Variants in ZNF569 observed in about 807,000 individuals in gnomAD.
The protein encoded by ZNF569 is zinc finger protein 569.
Under a neutral mutation model 56.3 loss-of-function variants are expected in ZNF569, and 38 were observed. The observed-to-expected ratio is 0.68, with a 90% CI of 0.52 to 0.88. ZNF569 has a LOEUF of 0.88. ZNF569 is among the 40% of genes least tolerant of loss of function. ZNF569 has a pLI of 0.00. For synonymous variants in ZNF569, 241 were observed against 262.9 expected (o/e 0.92, Z 0.81); for missense variants, 666 against 809.2 (o/e 0.82, Z 2.15).
chr19:37,450,540 AT>A (rs1321552525), intron 2 of ZNF569, among the ~76,000 whole-genome samples: 1 of 151,618 alleles, frequency 6.6e-6, no homozygotes, highest in African/African-American at 2.4e-5. Flanking sequence ...AGTCTTCTCT[AT>A]TTTTTTCATA....
At position 37,413,361 on chromosome 19, in the gene ZNF569, T is replaced by C. The variant is rs776842065; in HGVS notation, c.1297A>G (p.Thr433Ala). ...KNFITHQKIHTREKPYECNEC... is the reference protein window; with the variant it reads ...KNFITHQKIHAREKPYECNEC... The stretch of plus-strand genomic sequence containing the variant: ...TTACACTCATAAGGTTTCTCTCTAG[T>C]ATGAATTTTCTGGTGTGTAATGAAG... The change falls in exon 6 of 6, where the codon ACT becomes GCT. Residue 433 changes from threonine to alanine, a missense_variant. Thr to Ala is a moderately conservative substitution (Grantham distance 58, BLOSUM62 0). Transcript: ENST00000316950. 1.2e-6 allele frequency: 2 copies of C among 1,608,690 alleles called. No homozygotes were observed. Among genetic ancestry groups the C allele is most frequent in the South Asian group, 2.2e-5 (2 of 90,060 alleles).
Position 37,413,308 on chromosome 19 carries a change from C to T in ZNF569, c.1350G>A (p.Met450Ile), listed in dbSNP as rs780644751. The T allele has an allele frequency of 9.9e-6, 16 of 1,608,150 alleles. 1 individual carries two copies. The South Asian group carries it at 1.0e-4, about 10-fold the overall frequency. ...CNECGKAFIQ[M>I]SNLVRHQRIH... ...TTCTCTGGTGTCTAACAAGATTTGA[C>T]ATCTGTATAAAAGCTTTCCCACATT... Residue 450 changes from methionine to isoleucine, a missense_variant, in exon 6 of 6, where the codon ATG (methionine) becomes ATA (isoleucine). Transcript: ENST00000316950.
upstream of ZNF569, among the ~76,000 whole-genome samples, chr19:37,468,315 C>T (rs926952637): frequency 3.9e-5 from 6 of 152,174 alleles, no homozygotes; most frequent in African/African-American, 1.4e-4. Context: ...TCTCGAACTC[C>T]TGAGCTCAAG....
At chr19:37,468,121 G>A, upstream of ZNF569, 1 of 614,102 alleles carries the variant, frequency 1.6e-6, no homozygotes. Flanking sequence ...GCCTCACTTT[G>A]TTGCCCAGGC....
At position 37,445,084 on chromosome 19, in the gene ZNF569, C is replaced by G. The variant is rs1269723717; in HGVS notation, c.-43-120G>C. ...TGATAATTAAATCTATCAGAAATGC[C>G]AAGAATATTCATACCACAAAGGTTC... is the stretch of plus-strand genomic sequence containing the variant. On this transcript the variant is annotated intron_variant, in intron 2 of 5. Coordinates refer to ENST00000316950, the MANE Select transcript of ZNF569 (RefSeq NM_152484.3). 3 of 716,980 alleles carry G rather than the reference C, an allele frequency of 4.2e-6. No homozygotes were observed. In the African/African-American group the frequency reaches 5.5e-5, roughly 13 times the overall value. 44.4% of individuals were successfully genotyped at this position (716,980 alleles called of 1,614,324 possible).
chr19:37,456,473 C>T (rs933728202), intron 2 of ZNF569, among the ~76,000 whole-genome samples: 2 of 151,934 alleles, frequency 1.3e-5, no homozygotes, highest in Non-Finnish European at 2.9e-5. Context: ...TCTTAGGGCC[C>T]GTATGTTTGA....
chr19:37,420,375 G>A (rs1231298065), intron 5 of ZNF569, among the ~76,000 whole-genome samples: 1 of 152,096 alleles, frequency 6.6e-6, no homozygotes, highest in Admixed American at 6.5e-5. Context: ...TTGTTTGATA[G>A]TACTTTACCC....
upstream of ZNF569, chr19:37,469,231 C>T (rs1331263964): frequency 4.4e-6 from 6 of 1,360,142 alleles, no homozygotes; most frequent in Non-Finnish European, 5.7e-6. Context: ...CGCGGAGCTG[C>T]ACCGCTGCTG....
intron 5 of ZNF569, among the ~76,000 whole-genome samples, chr19:37,423,082 TAC>T (rs2146880420): frequency 6.6e-6 from 1 of 152,334 alleles, no homozygotes; most frequent in African/African-American, 2.4e-5. Flanking sequence ...TTTTTACAGA[TAC>T]AGAGGAAATT....
chr19:37,468,228 A>G (rs1158037259), upstream of ZNF569, among the ~76,000 whole-genome samples: 4 of 151,608 alleles, frequency 2.6e-5, no homozygotes, highest in Admixed American at 6.6e-5. Context: ...TGGGACCACA[A>G]TCAAGGGACA....
intron 2 of ZNF569, among the ~76,000 whole-genome samples, chr19:37,453,256 A>C (rs1405474892): frequency 6.6e-6 from 1 of 152,174 alleles, no homozygotes; most frequent in African/African-American, 2.4e-5. Context: ...GCAACAGGGT[A>C]TCCTGAATCT....
chr19:37,456,502 T>G (rs1361075533), intron 2 of ZNF569, among the ~76,000 whole-genome samples: 1 of 152,180 alleles, frequency 6.6e-6, no homozygotes, highest in Non-Finnish European at 1.5e-5. Flanking sequence ...CTCCCACTTA[T>G]GTTAGTTAAA....
chr19:37,450,365 A>T (rs1212440230), intron 2 of ZNF569, among the ~76,000 whole-genome samples: 3 of 152,094 alleles, frequency 2.0e-5, no homozygotes, highest in Non-Finnish European at 4.4e-5. Context: ...ATATTTCTTC[A>T]TGATCTAATC....
intron 5 of ZNF569, among the ~76,000 whole-genome samples, chr19:37,416,247 A>C (rs1287563814): frequency 1.3e-5 from 2 of 148,544 alleles, no homozygotes; most frequent in Non-Finnish European, 3.0e-5. Flanking sequence ...CAAAACAAAC[A>C]AACAAAAAAA....
Position 37,412,645 on chromosome 19 carries a change from G to A in ZNF569, c.2013C>T (p.Phe671=). 3 of 1,610,906 alleles carry A rather than the reference G, an allele frequency of 1.9e-6. No individual in the cohort carries two copies. The highest frequency in any genetic ancestry group is 2.5e-6 in the Non-Finnish European group (3 of 1,178,786). ...PYHCIECGKA[F]SQKSHLVRHQ... is the part of the protein sequence containing the mutation. ...GTCTAACAAGGTGCGACTTTTGGCTGAAAGCCTTGCCACACTCAATACAGT... is the reference window on the plus strand; with the variant it reads ...GTCTAACAAGGTGCGACTTTTGGCTAAAAGCCTTGCCACACTCAATACAGT... Residue 671 remains phenylalanine (F), a synonymous_variant, in exon 6 of 6, where the codon TTC becomes TTT. Coordinates refer to ENST00000316950, the MANE Select transcript of ZNF569 (RefSeq NM_152484.3).
chr19:37,451,325 G>A (rs1032081632), intron 2 of ZNF569, among the ~76,000 whole-genome samples: 15 of 151,450 alleles, frequency 9.9e-5, no homozygotes, highest in Non-Finnish European at 1.8e-4. Flanking sequence ...ACTTGAACCC[G>A]GGAGGCGGAG....
At chr19:37,468,010 G>C (rs1320390808), upstream of ZNF569, 9 of 1,389,878 alleles carry the variant, frequency 6.5e-6, no homozygotes, top group Non-Finnish European at 8.9e-6. Context: ...CTTCTAAACA[G>C]ACTTGGCCTT....
intron 2 of ZNF569, among the ~76,000 whole-genome samples, chr19:37,446,613 C>T (rs1392447886): frequency 1.3e-5 from 2 of 148,552 alleles, no homozygotes; most frequent in Admixed American, 6.7e-5. Flanking sequence ...CAAAAATCAA[C>T]TCAAGATGGA....
chr19:37,467,178 G>C lies in ZNF569; in HGVS notation c.-299C>G, dbSNP rs1199325661. 2.0e-5 allele frequency: 3 copies of C among 152,312 alleles called. No homozygotes were observed. Among genetic ancestry groups the C allele is most frequent in the Non-Finnish European group, 4.4e-5 (3 of 68,112 alleles). 9.4% of individuals were successfully genotyped at this position (152,312 alleles called of 1,614,324 possible). On this transcript the variant is annotated 5_prime_UTR_variant, in exon 1 of 6. Coordinates refer to ENST00000316950, the MANE Select transcript of ZNF569 (RefSeq NM_152484.3). ...TGGGACAGAGGCGGCACTGAGGCCGGCGCTGTCGGTGGCTGAGAGCGCCAC... is the reference window on the plus strand; with the variant it reads ...TGGGACAGAGGCGGCACTGAGGCCGCCGCTGTCGGTGGCTGAGAGCGCCAC...
Sources: gnomAD v4.1 joint callset for allele counts (sites outside exome capture counted in the v4.1 genomes callset) on GRCh38, gnomAD v4.1.1 for gene constraint, MANE v1.5 for transcripts, NCBI Gene and HGNC (gene_info 2026-07-23, HGNC 2026-07-21) for gene names.